Variants in AHCTF1 observed in about 807,000 individuals in gnomAD.
The protein encoded by AHCTF1 is protein ELYS.
In AHCTF1, 24 loss-of-function variants were observed where a neutral mutation model predicts 248.4. The ratio of observed to expected loss-of-function variants is 0.10; its 90% CI spans 0.07 to 0.14. The LOEUF is 0.14. Ranked by LOEUF, AHCTF1 falls within the 10% of genes least tolerant of loss-of-function variation. The pLI, the probability that AHCTF1 is intolerant of heterozygous loss-of-function variation, is 1.00. For missense variants in AHCTF1, 2,206 were observed against 2,636.2 expected, an observed-to-expected ratio of 0.84 and a Z score of 3.57; for synonymous variants, 786 against 929.8, an observed-to-expected ratio of 0.85 and a Z score of 2.81.
At chr1:246,910,896 G>C (rs908432193) in intron 4 of AHCTF1, among the ~76,000 whole-genome samples, 1 of 152,184 alleles carries the variant, frequency 6.6e-6, no homozygotes, top group Non-Finnish European at 1.5e-5. Flanking sequence ...ATAAGAAACC[G>C]GTTAAGTCTG....
intron 2 of AHCTF1, among the ~76,000 whole-genome samples, chr1:246,916,600 G>A (rs966591655): frequency 6.6e-6 from 1 of 152,120 alleles, no homozygotes; most frequent in South Asian, 2.1e-4. Context: ...CTTGGAGTAA[G>A]CCGAGATCAT....
intron 4 of AHCTF1, among the ~76,000 whole-genome samples, chr1:246,910,792 G>A (rs1418425790): frequency 6.8e-6 from 1 of 146,132 alleles, no homozygotes; most frequent in Non-Finnish European, 1.5e-5. Context: ...GAAGAGATTA[G>A]ATTTTGCCAC....
At chr1:246,870,204 G>A (rs1386962303) in intron 24 of AHCTF1, among the ~76,000 whole-genome samples, 2 of 152,302 alleles carry the variant, frequency 1.3e-5, no homozygotes, top group East Asian at 3.9e-4. Context: ...AGTACTTTTG[G>A]AGGCCAAGGT....
At chr1:246,895,433 A>C (rs543781560) in intron 13 of AHCTF1, among the ~76,000 whole-genome samples, 2 of 152,206 alleles carry the variant, frequency 1.3e-5, no homozygotes, top group Non-Finnish European at 2.9e-5. Context: ...ATGTGTGTGA[A>C]GAGTAACAGT....
chr1:246,867,901 C>CCACA lies in AHCTF1; in HGVS notation c.3089-94_3089-91dup, dbSNP rs1553291132. 8.8e-4 allele frequency: 276 copies of CCACA among 313,800 alleles called. 7 individuals carry two copies. The African/African-American group carries it at 9.9e-3, about 11-fold the overall frequency. The allele number at this position is 313,800 out of a possible 1,614,324, so 19.4% of individuals were successfully genotyped here. A position where few individuals can be genotyped will look rare whatever the true frequency, so the allele number is the denominator to read the frequency against. On this transcript the variant is annotated intron_variant, in intron 24 of 35. Transcript: ENST00000648844. Reference sequence around the variant, plus strand: ...TGAAAGAATGATTACACCCCCCCCCCCACACACACACACACACACATTACG... The same window carrying CCACA: ...TGAAAGAATGATTACACCCCCCCCCCCACACACACACACACACACACACATTACG...
rs749557651 is a variant in AHCTF1, at chr1:246,840,974, C to A, written c.6633G>T (p.Trp2211Cys). ...ASKNTEKESA[W>C]SPPPIEIRLI... ...GCCGAATTTCTATGGGAGGAGGTGA[C>A]CAAGCACTTTCTTTTTCTGTGTTTC... The change falls in exon 36 of 36, where the codon TGG (tryptophan) becomes TGT (cysteine). Residue 2211 changes from tryptophan to cysteine, a missense_variant. Trp to Cys is a radical substitution (Grantham distance 215). Coordinates refer to ENST00000648844, the MANE Select transcript of AHCTF1 (RefSeq NM_001323342.2). The A allele has an allele frequency of 6.2e-7, 1 of 1,606,532 alleles. No homozygotes were observed. The highest frequency in any genetic ancestry group is 8.5e-7 in the Non-Finnish European group (1 of 1,177,946).
intron 33 of AHCTF1, among the ~76,000 whole-genome samples, chr1:246,844,130 G>A (rs1660075693): frequency 6.6e-6 from 1 of 152,166 alleles, no homozygotes; most frequent in Non-Finnish European, 1.5e-5. Flanking sequence ...TAAGCCAAAT[G>A]TGTAGGACGA....
chr1:246,847,403 A>G (rs760863464), intron 33 of AHCTF1, among the ~76,000 whole-genome samples: 4 of 152,256 alleles, frequency 2.6e-5, no homozygotes, highest in Non-Finnish European at 5.9e-5. Context: ...CCAACCATAC[A>G]TATGTATCTG....
At position 246,861,144 on chromosome 1, in the gene AHCTF1, T is replaced by G; in HGVS notation, c.3887A>C (p.Gln1296Pro). ...KEHQEMDEGS[Q>P]SLEKLDVSKG... ...GCTCACATCCAGTTTCTCTAAACTT[T>G]GTGACCCCTCATCCATTTCTTGATG... The change falls in exon 29 of 36, where the codon CAA (glutamine) becomes CCA (proline). Residue 1296 changes from glutamine (Q) to proline (P), a missense_variant. Gln to Pro is a moderately conservative substitution (Grantham distance 76). Coordinates refer to ENST00000648844, the MANE Select transcript of AHCTF1 (RefSeq NM_001323342.2). 6.2e-7 allele frequency: 1 copy of G among 1,613,904 alleles called. No homozygotes were observed. The highest frequency in any genetic ancestry group is 2.2e-5 in the East Asian group (1 of 44,880).
chr1:246,845,395 A>G (rs756101765), intron 33 of AHCTF1, among the ~76,000 whole-genome samples: 9 of 152,192 alleles, frequency 5.9e-5, no homozygotes, highest in Non-Finnish European at 1.2e-4. Context: ...TTGATATCAG[A>G]TATCAGAAAT....
chr1:246,883,439 T>C (rs1663601305), intron 21 of AHCTF1, among the ~76,000 whole-genome samples: 1 of 152,238 alleles, frequency 6.6e-6, no homozygotes, highest in Admixed American at 6.5e-5. Context: ...GTAAATCAGC[T>C]TGTTTTCTTG....
In AHCTF1 at chr1:246,917,173, G is replaced by A. The variant is rs552215648; in HGVS notation, c.122-778C>T. ...AGAGTAGCCGCACTGGGTGGAAGAC[G>A]ACACCTGCTAGGTGACCGAATAGAG... is the stretch of plus-strand genomic sequence containing the variant. On this transcript the variant is annotated intron_variant, in intron 2 of 35. Coordinates refer to ENST00000648844, the MANE Select transcript of AHCTF1 (RefSeq NM_001323342.2). 1.4e-3 allele frequency among the ~76,000 whole-genome samples: 209 copies of A among 152,310 alleles called. 1 individual carries two copies. Among genetic ancestry groups the A allele is most frequent in the Middle Eastern group, 3.4e-3 (1 of 292 alleles).
chr1:246,849,857 TTTG>T lies in AHCTF1; in HGVS notation c.6146_6148del (p.Thr2049del), dbSNP rs767389798. On this transcript the variant is annotated inframe_deletion, in exon 33 of 36. Coordinates refer to ENST00000648844, the MANE Select transcript of AHCTF1 (RefSeq NM_001323342.2). Reference sequence around the variant, plus strand: ...TTTTTGGCTTTGACTTTCAGTCTTTTTTGTAAGTTTTTTCTTAGAGCTCATCAC... The same window carrying T: ...TTTTTGGCTTTGACTTTCAGTCTTTTTAAGTTTTTTCTTAGAGCTCATCAC... 4 of 1,613,870 alleles carry T rather than the reference TTTG, an allele frequency of 2.5e-6. No homozygotes were observed. The highest frequency in any genetic ancestry group is 2.2e-5 in the South Asian group (2 of 91,074).
chr1:246,853,062 T>A, intron 32 of AHCTF1, 29 bp downstream of exon 32: 3 of 1,555,508 alleles, frequency 1.9e-6, no homozygotes, highest in South Asian at 1.2e-5. Context: ...GAAAGACTGA[T>A]AAAGAAGTAA....
intron 1 of AHCTF1, among the ~76,000 whole-genome samples, chr1:246,928,281 C>T (rs899502623): frequency 4.3e-5 from 6 of 138,766 alleles, no homozygotes; most frequent in Middle Eastern, 4.0e-3. Flanking sequence ...GTAGCCTGGG[C>T]GACAGAGCGA....
At chr1:246,864,662 C>T (rs1448489642) in intron 26 of AHCTF1, among the ~76,000 whole-genome samples, 1 of 22,724 alleles carries the variant, frequency 4.4e-5, no homozygotes, top group East Asian at 1.0e-3. Context: ...GGTGAAACCC[C>T]GTCTCTACTA....
chr1:246,902,694 G>T lies in AHCTF1; in HGVS notation c.967-19C>A, dbSNP rs1572441743. The T allele has an allele frequency of 5.8e-6, 9 of 1,557,016 alleles. No individual in the cohort carries two copies. The highest frequency in any genetic ancestry group is 7.0e-6 in the Non-Finnish European group (8 of 1,149,646). Reference sequence around the variant, plus strand: ...CTAACCCCTGTAACATAAAATACACGCAAATATTAATCTGATTCTAGGCAA... The same window carrying T: ...CTAACCCCTGTAACATAAAATACACTCAAATATTAATCTGATTCTAGGCAA... On this transcript the variant is annotated intron_variant, in intron 7 of 35. Coordinates refer to ENST00000648844, the MANE Select transcript of AHCTF1 (RefSeq NM_001323342.2).
chr1:246,868,861 T>A (rs1406364482), intron 24 of AHCTF1, among the ~76,000 whole-genome samples: 2 of 131,368 alleles, frequency 1.5e-5, no homozygotes, highest in South Asian at 2.4e-4. Flanking sequence ...TTTTTTTTTT[T>A]TGAGATGGAG....
chr1:246,894,008 A>G (rs1187748584), intron 14 of AHCTF1, among the ~76,000 whole-genome samples: 1 of 152,086 alleles, frequency 6.6e-6, no homozygotes, highest in African/African-American at 2.4e-5. Context: ...GTTCAAGACC[A>G]GCCTAGGCAA....
Sources: gnomAD v4.1 joint callset for allele counts (sites outside exome capture counted in the v4.1 genomes callset) on GRCh38, gnomAD v4.1.1 for gene constraint, MANE v1.5 for transcripts, NCBI Gene and HGNC (gene_info 2026-07-23, HGNC 2026-07-21) for gene names.